The following ERBB4 variants were observed in gnomAD, a reference collection of about 807,000 sequenced individuals.
ERBB4 encodes the protein erb-b2 receptor tyrosine kinase 4.
Under a neutral mutation model 158.0 loss-of-function variants are expected in ERBB4, and 42 were observed. The ratio of observed to expected loss-of-function variants is 0.27; its 90% CI spans 0.21 to 0.34. The LOEUF is 0.34. Among genes scored for constraint, ERBB4 ranks in the 10% least tolerant of loss-of-function variants. The pLI, the probability that ERBB4 is intolerant of heterozygous loss-of-function variation, is 1.00. For synonymous variants in ERBB4, 583 were observed against 558.7 expected, an observed-to-expected ratio of 1.04 and a Z score of -0.61; for missense variants, 1,333 against 1,624.1, an observed-to-expected ratio of 0.82 and a Z score of 3.08.
chr2:211,900,553 A>C (rs2079208659), intron 3 of ERBB4, among the ~76,000 whole-genome samples: 1 of 151,096 alleles, frequency 6.6e-6, no homozygotes, highest in Non-Finnish European at 1.5e-5. Context: ...TTTTCTATTG[A>C]AAAGCGGGTC....
intron 22 of ERBB4, among the ~76,000 whole-genome samples, chr2:211,427,504 T>C (rs2063655464): frequency 6.6e-6 from 1 of 152,184 alleles, no homozygotes; most frequent in Admixed American, 6.5e-5. Context: ...GTTCTAATTA[T>C]AAATGTCACT....
chr2:211,950,363 G>C (rs998545068), intron 2 of ERBB4, among the ~76,000 whole-genome samples: 3 of 152,122 alleles, frequency 2.0e-5, no homozygotes, highest in Non-Finnish European at 4.4e-5. Flanking sequence ...ATAGAAGTGG[G>C]TGGAAGAGAG....
At chr2:212,125,334 T>A (rs1559545432) in intron 1 of ERBB4, among the ~76,000 whole-genome samples, 1 of 152,246 alleles carries the variant, frequency 6.6e-6, no homozygotes, top group Non-Finnish European at 1.5e-5. Context: ...TCATAGTTAT[T>A]ATATCAGCTG....
chr2:212,390,804 G>A (rs1560191875), intron 1 of ERBB4, among the ~76,000 whole-genome samples: 1 of 151,650 alleles, frequency 6.6e-6, no homozygotes, highest in Non-Finnish European at 1.5e-5. Flanking sequence ...TCAGACACAA[G>A]GAAGGTTAAA....
At chr2:212,253,043 A>G (rs1457938729) in intron 1 of ERBB4, among the ~76,000 whole-genome samples, 1 of 152,152 alleles carries the variant, frequency 6.6e-6, no homozygotes, top group African/African-American at 2.4e-5. Flanking sequence ...CATTGAGAAA[A>G]GTCGTCAGTT....
intron 2 of ERBB4, among the ~76,000 whole-genome samples, chr2:212,056,472 A>G (rs1351334480): frequency 1.3e-5 from 2 of 152,186 alleles, no homozygotes; most frequent in African/African-American, 4.8e-5. Flanking sequence ...AAGACACATA[A>G]TTGTCAGATT....
intron 2 of ERBB4, among the ~76,000 whole-genome samples, chr2:212,025,074 G>T (rs2076743032): frequency 1.3e-5 from 2 of 151,962 alleles, no homozygotes; most frequent in Middle Eastern, 3.4e-3. Context: ...CAGCAAATAT[G>T]ATTGTTAGTA....
intron 2 of ERBB4, among the ~76,000 whole-genome samples, chr2:212,006,873 C>G (rs1038064330): frequency 6.6e-6 from 1 of 151,934 alleles, no homozygotes; most frequent in Non-Finnish European, 1.5e-5. Flanking sequence ...AGCTGGACAT[C>G]CCTTTACATT....
At chr2:212,080,810 C>T (rs575450208) in intron 2 of ERBB4, among the ~76,000 whole-genome samples, 30 of 152,154 alleles carry the variant, frequency 2.0e-4, no homozygotes, top group African/African-American at 6.3e-4. Flanking sequence ...GATTCCTTCC[C>T]CATTACATCT....
At chr2:212,140,460 T>C (rs1015212668) in intron 1 of ERBB4, among the ~76,000 whole-genome samples, 1 of 147,774 alleles carries the variant, frequency 6.8e-6, no homozygotes, top group Non-Finnish European at 1.5e-5. Context: ...TGTCCTGTCA[T>C]TTCTAAATTT....
At chr2:211,616,601 A>G (rs1301283540) in intron 19 of ERBB4, among the ~76,000 whole-genome samples, 2 of 152,192 alleles carry the variant, frequency 1.3e-5, no homozygotes, top group Non-Finnish European at 2.9e-5. Flanking sequence ...AAATGTAGGT[A>G]TGAAATATAG....
At chr2:211,631,484 A>G (rs1156284478) in intron 16 of ERBB4, among the ~76,000 whole-genome samples, 1 of 152,228 alleles carries the variant, frequency 6.6e-6, no homozygotes, top group Admixed American at 6.5e-5. Flanking sequence ...ATTACATAAA[A>G]AGTGGTAAAC....
At chr2:212,113,143 G>A (rs2079465617) in intron 2 of ERBB4, among the ~76,000 whole-genome samples, 1 of 152,120 alleles carries the variant, frequency 6.6e-6, no homozygotes, top group Non-Finnish European at 1.5e-5. Flanking sequence ...AGCATGTTAA[G>A]GTTAGGGGAA....
rs566297478 is a variant in ERBB4, at chr2:212,475,588, G to A, written c.82+62861C>T. Among the ~76,000 whole-genome samples the A allele has an allele frequency of 2.6e-5, 4 of 152,170 alleles. No individual in the cohort carries two copies. In the East Asian group the frequency reaches 7.7e-4, roughly 29 times the overall value. ...TCTATCATTTCAATTATAAGAATATGCTATTATTACCTACTCATGAATCTC... is the reference window on the plus strand; with the variant it reads ...TCTATCATTTCAATTATAAGAATATACTATTATTACCTACTCATGAATCTC... On this transcript the variant is annotated intron_variant, in intron 1 of 27. Coordinates refer to ENST00000342788, the MANE Select transcript of ERBB4 (RefSeq NM_005235.3).
chr2:211,477,232 G>A (rs1184350307), intron 20 of ERBB4, among the ~76,000 whole-genome samples: 1 of 152,002 alleles, frequency 6.6e-6, no homozygotes, highest in Non-Finnish European at 1.5e-5. Flanking sequence ...ACTCCAGCCT[G>A]CCAGCCCTAC....
chr2:211,637,571 C>G lies in ERBB4; in HGVS notation c.1947-6977G>C, dbSNP rs189741164. Among the ~76,000 whole-genome samples the G allele has an allele frequency of 2.0e-4, 31 of 151,886 alleles. 1 individual carries two copies. The East Asian group carries it at 4.3e-3, about 21-fold the overall frequency. The stretch of plus-strand genomic sequence containing the variant: ...CCCTTTCATAGAGGTAAACCAAAGG[C>G]TTTTTTGATCCTATATACTACTTTT... On this transcript the variant is annotated intron_variant, in intron 16 of 27. Transcript: ENST00000342788.
intron 19 of ERBB4, among the ~76,000 whole-genome samples, chr2:211,588,714 T>C (rs1403707306): frequency 6.6e-6 from 1 of 152,132 alleles, no homozygotes; most frequent in Non-Finnish European, 1.5e-5. Flanking sequence ...TAACCTGGCA[T>C]TTTGTCTTCA....
intron 2 of ERBB4, among the ~76,000 whole-genome samples, chr2:211,948,875 C>T (rs997545373): frequency 2.0e-5 from 3 of 152,086 alleles, no homozygotes; most frequent in African/African-American, 7.2e-5. Context: ...CCCCAAACTC[C>T]AGATTTATAC....
intron 20 of ERBB4, among the ~76,000 whole-genome samples, chr2:211,520,447 C>A (rs2066155972): frequency 6.6e-6 from 1 of 151,960 alleles, no homozygotes; most frequent in South Asian, 2.1e-4. Flanking sequence ...TAGCCCGTGG[C>A]CTGTTCTGTA....
Sources: gnomAD v4.1 joint callset for allele counts (sites outside exome capture counted in the v4.1 genomes callset) on GRCh38, gnomAD v4.1.1 for gene constraint, MANE v1.5 for transcripts, NCBI Gene and HGNC (gene_info 2026-07-23, HGNC 2026-07-21) for gene names.